Variants in CPSF2 observed in about 807,000 individuals in gnomAD.
CPSF2 encodes cleavage and polyadenylation specificity factor subunit 2.
A neutral mutation model predicts 84.2 loss-of-function variants in CPSF2; 51 were observed. That is an observed-to-expected ratio of 0.61 (90% CI 0.48 to 0.77). CPSF2 has a LOEUF of 0.77. Among genes scored for constraint, CPSF2 ranks in the 30% least tolerant of loss-of-function variants. The probability of loss-of-function intolerance (pLI) is 0.00; values close to 1 mark genes in which losing one functional copy is unlikely to be tolerated. For synonymous variants in CPSF2, 286 were observed against 311.9 expected, an observed-to-expected ratio of 0.92 and a Z score of 0.87; for missense variants, 641 against 929.4, an observed-to-expected ratio of 0.69 and a Z score of 4.03.
In CPSF2 at chr14:92,156,597, A is replaced by G. The variant is rs2069293338; in HGVS notation, c.1561A>G (p.Lys521Glu). ...TCAGGATTTATCTGATGTTCCTACT[A>G]AATGTATTTCTACAACAGAGTCTAT... ...MDQDLSDVPTKCISTTESIEI... is the reference protein window; with the variant it reads ...MDQDLSDVPTECISTTESIEI... Residue 521 changes from lysine to glutamate, a missense_variant, in exon 12 of 16, where the codon AAA (lysine) becomes GAA (glutamate). Physicochemically the swap from Lys to Glu is moderately conservative, Grantham distance 56. Coordinates refer to ENST00000298875, the MANE Select transcript of CPSF2 (RefSeq NM_017437.3). 6.2e-7 allele frequency: 1 copy of G among 1,606,678 alleles called. No homozygotes were observed. The highest frequency in any genetic ancestry group is 8.5e-7 in the Non-Finnish European group (1 of 1,174,798).
intron 13 of CPSF2, among the ~76,000 whole-genome samples, chr14:92,158,577 A>G (rs1321981275): frequency 2.0e-5 from 3 of 152,224 alleles, no homozygotes; most frequent in Non-Finnish European, 2.9e-5. Flanking sequence ...CTACTGAAGT[A>G]TGCCAAGTAC....
At chr14:92,132,434 C>CTT (rs2068944097) in intron 3 of CPSF2, among the ~76,000 whole-genome samples, 1 of 151,382 alleles carries the variant, frequency 6.6e-6, no homozygotes, top group Admixed American at 6.6e-5. Context: ...CATGCCCAGC[C>CTT]AATAATAATT....
rs975405434 is a variant in CPSF2, at chr14:92,165,895, T to C, written c.*4151T>C. On this transcript the variant is annotated 3_prime_UTR_variant, in exon 16 of 16. Transcript: ENST00000298875. ...TTTTTTTTTTGAGATGGAGTCTTGC[T>C]TTGTCACCCAGGCTGGAGTGCAGTG... The C allele has an allele frequency of 1.5e-5, 2 of 134,384 alleles. No individual in the cohort carries two copies. Among genetic ancestry groups the C allele is most frequent in the African/African-American group, 5.8e-5 (2 of 34,454 alleles). 8.3% of individuals were successfully genotyped at this position (134,384 alleles called of 1,614,324 possible).
chr14:92,146,507 C>G (rs1408404011), intron 9 of CPSF2, among the ~76,000 whole-genome samples: 1 of 151,960 alleles, frequency 6.6e-6, no homozygotes, highest in African/African-American at 2.4e-5. Context: ...GGTGACAGAG[C>G]GAGACTCCAT....
chr14:92,133,275 T>G (rs2068957257), intron 3 of CPSF2, among the ~76,000 whole-genome samples: 1 of 149,526 alleles, frequency 6.7e-6, no homozygotes, highest in Admixed American at 6.7e-5. Context: ...CAAAATAAGC[T>G]GGGAGTGGTG....
chr14:92,171,734 A>G lies in CPSF2; in HGVS notation c.*9990A>G, dbSNP rs941505967. On this transcript the variant is annotated 3_prime_UTR_variant, in exon 16 of 16. Coordinates refer to ENST00000298875, the MANE Select transcript of CPSF2 (RefSeq NM_017437.3). Reference sequence around the variant, plus strand: ...TCTATGCTTGTTACCTCATCCATCCATATATATATTAAAAACAAGTACACA... The same window carrying G: ...TCTATGCTTGTTACCTCATCCATCCGTATATATATTAAAAACAAGTACACA... The G allele has an allele frequency of 3.3e-5, 5 of 152,086 alleles. No homozygotes were observed. The highest frequency in any genetic ancestry group is 7.4e-5 in the Non-Finnish European group (5 of 68,026). 9.4% of individuals were successfully genotyped at this position (152,086 alleles called of 1,614,324 possible). A position where few individuals can be genotyped will look rare whatever the true frequency, so the allele number is the denominator to read the frequency against.
In CPSF2 at chr14:92,165,530, T is replaced by C. The variant is rs534564259; in HGVS notation, c.*3786T>C. The C allele has an allele frequency of 5.9e-5, 9 of 152,312 alleles. No individual in the cohort carries two copies. The East Asian group carries it at 1.5e-3, about 26-fold the overall frequency. 9.4% of individuals were successfully genotyped at this position (152,312 alleles called of 1,614,324 possible). On this transcript the variant is annotated 3_prime_UTR_variant, in exon 16 of 16. Transcript: ENST00000298875. Reference sequence around the variant, plus strand: ...TTTGCATTTCCTTAATGACTGATGATGTGGAGCCTCTTTCCATGTGTTTAT... The same window carrying C: ...TTTGCATTTCCTTAATGACTGATGACGTGGAGCCTCTTTCCATGTGTTTAT...
chr14:92,129,821 C>T (rs1018651207), intron 2 of CPSF2, among the ~76,000 whole-genome samples: 1 of 152,276 alleles, frequency 6.6e-6, no homozygotes, highest in Admixed American at 6.5e-5. Flanking sequence ...ACTCATAGCT[C>T]ACAGTAACCT....
chr14:92,152,198 C>T (rs1456587434), intron 9 of CPSF2, among the ~76,000 whole-genome samples: 1 of 151,970 alleles, frequency 6.6e-6, no homozygotes, highest in African/African-American at 2.4e-5. Context: ...GGTGCCATCT[C>T]GGCTCACTGC....
chr14:92,134,394 G>A (rs558577129), intron 5 of CPSF2, 39 bp downstream of exon 5: 2 of 1,320,974 alleles, frequency 1.5e-6, no homozygotes, highest in East Asian at 2.3e-5. Flanking sequence ...TAGATGAATG[G>A]GGTTTAACTT....
At chr14:92,139,216 G>T (rs925916792) in intron 7 of CPSF2, among the ~76,000 whole-genome samples, 3 of 152,118 alleles carry the variant, frequency 2.0e-5, no homozygotes, top group Admixed American at 2.0e-4. Flanking sequence ...AGGAGATTGA[G>T]ACCATCCTGG....
At chr14:92,149,208 C>G (rs1379314032) in intron 9 of CPSF2, among the ~76,000 whole-genome samples, 1 of 152,078 alleles carries the variant, frequency 6.6e-6, no homozygotes, top group Non-Finnish European at 1.5e-5. Context: ...ACACCTTGGC[C>G]TAAAACTCCA....
Position 92,157,967 on chromosome 14 carries a change from A to T in CPSF2, c.1821+83A>T. 1 of 945,500 alleles carries T rather than the reference A, an allele frequency of 1.1e-6. No homozygotes were observed. Among genetic ancestry groups the T allele is most frequent in the Non-Finnish European group, 1.7e-6 (1 of 592,820 alleles). The allele number at this position is 945,500 out of a possible 1,614,324, so 58.6% of individuals were successfully genotyped here. On this transcript the variant is annotated intron_variant, in intron 13 of 15. Coordinates refer to ENST00000298875, the MANE Select transcript of CPSF2 (RefSeq NM_017437.3). The surrounding 1 kb of genome is among the most constrained non-coding windows in gnomAD (Gnocchi z 4.0). ...GACAGATAACATTAGAAATACCGAG[A>T]TGTGTGAGACAGACATGGATGGTCT...
At chr14:92,127,681 T>C (rs2068860164) in intron 2 of CPSF2, among the ~76,000 whole-genome samples, 1 of 152,302 alleles carries the variant, frequency 6.6e-6, no homozygotes, top group Non-Finnish European at 1.5e-5. Context: ...ACATCAGTGA[T>C]ACGTTGATGC....
Position 92,124,176 on chromosome 14 carries a change from C to G in CPSF2, c.-93-1946C>G, listed in dbSNP as rs1160860059. 2.6e-5 allele frequency among the ~76,000 whole-genome samples: 4 copies of G among 152,170 alleles called. No homozygotes were observed. In the East Asian group the frequency reaches 5.8e-4, roughly 22 times the overall value. On this transcript the variant is annotated intron_variant, in intron 1 of 15. Transcript: ENST00000298875. ...GGTGAAGCAAGAGGTAGGTTAAGAT[C>G]AGCTTGTGAAGGATCTTGGTTTCCA...
Position 92,143,082 on chromosome 14 carries a change from TTA to T in CPSF2, c.930_931del (p.Cys311SerfsTer5), listed in dbSNP as rs1372933875. 6.2e-7 allele frequency: 1 copy of T among 1,613,976 alleles called. No individual in the cohort carries two copies. Among genetic ancestry groups the T allele is most frequent in the Non-Finnish European group, 8.5e-7 (1 of 1,179,958 alleles). ...TCCGTTTCAGTTTCGCCATCTCTCTTTATGTCATGGTCTTTCTGACTTGGCCC... is the reference window on the plus strand; with the variant it reads ...TCCGTTTCAGTTTCGCCATCTCTCTTTGTCATGGTCTTTCTGACTTGGCCC... Reference protein sequence around the residue: ...NNPFQFRHLSLCHGLSDLARV... With the variant: ...NNPFQFRHLSXCHGLSDLARV... On this transcript the variant is annotated frameshift_variant, in exon 9 of 16. Coordinates refer to ENST00000298875, the MANE Select transcript of CPSF2 (RefSeq NM_017437.3). LOFTEE classifies it high-confidence loss of function.
chr14:92,139,021 G>A (rs890563282), intron 7 of CPSF2, among the ~76,000 whole-genome samples: 3 of 152,146 alleles, frequency 2.0e-5, no homozygotes, highest in African/African-American at 7.2e-5. Flanking sequence ...GTAAAGATTG[G>A]CTTCTTTTTG....
chr14:92,140,733 C>G (rs1056756443), intron 7 of CPSF2, among the ~76,000 whole-genome samples: 1 of 151,768 alleles, frequency 6.6e-6, no homozygotes, highest in African/African-American at 2.4e-5. Flanking sequence ...TGCCTGGCCG[C>G]AATCCCCATC....
rs2069444713 is a variant in CPSF2 at position 92,166,170 on chromosome 14, A to G, written c.*4426A>G. 1 of 151,902 alleles carries G rather than the reference A, an allele frequency of 6.6e-6. No individual in the cohort carries two copies. Among genetic ancestry groups the G allele is most frequent in the African/African-American group, 2.4e-5 (1 of 41,342 alleles). The allele number at this position is 151,902 out of a possible 1,614,324, so 9.4% of individuals were successfully genotyped here. ...AGCCACCTTGCCTGGCCTTGGTTTTATATCTTAAAAGCTATTCCTTCATTC... is the reference window on the plus strand; with the variant it reads ...AGCCACCTTGCCTGGCCTTGGTTTTGTATCTTAAAAGCTATTCCTTCATTC... On this transcript the variant is annotated 3_prime_UTR_variant, in exon 16 of 16. Transcript: ENST00000298875.
Sources: allele counts gnomAD v4.1 joint callset (sites outside exome capture counted in the v4.1 genomes callset), GRCh38; gene constraint gnomAD v4.1.1; non-coding constraint Gnocchi (gnomAD v3.1); transcripts MANE v1.5; gene names NCBI Gene and HGNC (gene_info 2026-07-23, HGNC 2026-07-21).